The following PPP2R3A variants were observed in gnomAD, a reference collection of about 807,000 sequenced individuals.
PPP2R3A encodes the protein protein phosphatase 2 regulatory subunit B''alpha.
Under a neutral mutation model 106.9 loss-of-function variants are expected in PPP2R3A, and 80 were observed. The ratio of observed to expected loss-of-function variants is 0.75; its 90% confidence interval spans 0.62 to 0.90. The LOEUF is 0.90. Ranked by LOEUF, PPP2R3A falls within the 40% of genes least tolerant of loss-of-function variation. The pLI is 0.00. For synonymous variants in PPP2R3A, 483 were observed against 468.3 expected (o/e 1.03, Z -0.41); for missense variants, 1,386 against 1,350.4 (o/e 1.03, Z -0.41).
chr3:136,065,708 G>T (rs530608935), intron 5 of PPP2R3A, among the ~76,000 whole-genome samples: 1 of 152,114 alleles, frequency 6.6e-6, no homozygotes, highest in Non-Finnish European at 1.5e-5. Flanking sequence ...GGAGGATCTC[G>T]CTCTGTTTCC....
At chr3:136,120,424 C>A (rs1370187450) in intron 13 of PPP2R3A, among the ~76,000 whole-genome samples, 2 of 152,062 alleles carry the variant, frequency 1.3e-5, no homozygotes, top group Non-Finnish European at 2.9e-5. Flanking sequence ...CTCATCTCTA[C>A]TAAAAACACA....
At position 136,118,592 on chromosome 3, in the gene PPP2R3A, CAG is replaced by C. The variant is rs554279997; in HGVS notation, c.3329+12274_3329+12275del. On this transcript the variant is annotated intron_variant, in intron 13 of 13. Coordinates refer to ENST00000264977, the MANE Select transcript of PPP2R3A (RefSeq NM_002718.5). ...TTCCTATACACCAATAACAGACAAA[CAG>C]AGAACCAAATCATGAGTGAACTCCC... Among the ~76,000 whole-genome samples the C allele has an allele frequency of 3.1e-3, 465 of 152,172 alleles. 6 individuals are homozygous for C. Among genetic ancestry groups the C allele is most frequent in the African/African-American group, 0.011 (448 of 41,512 alleles).
intron 5 of PPP2R3A, among the ~76,000 whole-genome samples, chr3:136,059,199 C>A (rs1935988025): frequency 6.6e-6 from 1 of 151,952 alleles, no homozygotes; most frequent in East Asian, 1.9e-4. Context: ...ACTAAACAGA[C>A]AGCCTACAGA....
rs553245360 is a variant in PPP2R3A at position 136,081,057 on chromosome 3, G to A, written c.2632-1208G>A. On this transcript the variant is annotated intron_variant, in intron 7 of 13. Coordinates refer to ENST00000264977, the MANE Select transcript of PPP2R3A (RefSeq NM_002718.5). Reference sequence around the variant, plus strand: ...CGCCCAGGTTGGAGCACAGTGGCGCGATCTCGGCTCACTGCAACCTCTGCC... The same window carrying A: ...CGCCCAGGTTGGAGCACAGTGGCGCAATCTCGGCTCACTGCAACCTCTGCC... 5.9e-5 allele frequency among the ~76,000 whole-genome samples: 9 copies of A among 151,770 alleles called. No homozygotes were observed. In the South Asian group the frequency reaches 8.3e-4, roughly 14 times the overall value.
At chr3:135,987,232 C>A (rs931843219) in intron 1 of PPP2R3A, among the ~76,000 whole-genome samples, 5 of 152,070 alleles carry the variant, frequency 3.3e-5, no homozygotes, top group African/African-American at 1.2e-4. Flanking sequence ...GTAGAAGACA[C>A]AAGACTTCTG....
At chr3:136,075,590 A>G (rs79037025) in intron 6 of PPP2R3A, among the ~76,000 whole-genome samples, 8,065 of 152,326 alleles carry the variant, frequency 0.053, 249 homozygotes, top group Non-Finnish European at 0.073. Flanking sequence ...AATGCCTAAC[A>G]GTCAAACTGT....
At chr3:136,102,819 T>C (rs1437932067) in intron 11 of PPP2R3A, among the ~76,000 whole-genome samples, 1 of 152,168 alleles carries the variant, frequency 6.6e-6, no homozygotes, top group African/African-American at 2.4e-5. Context: ...AGCGAGACTG[T>C]ATCTCTTTTT....
chr3:136,140,074 C>G (rs1039142058), intron 13 of PPP2R3A, among the ~76,000 whole-genome samples: 7 of 151,362 alleles, frequency 4.6e-5, no homozygotes, highest in Non-Finnish European at 8.8e-5. Context: ...TGTTTGTGAA[C>G]CCTGTGAGTT....
At chr3:136,040,015 C>G (rs1935210386) in intron 3 of PPP2R3A, among the ~76,000 whole-genome samples, 1 of 152,020 alleles carries the variant, frequency 6.6e-6, no homozygotes, top group Admixed American at 6.6e-5. Flanking sequence ...CATCTTTTAC[C>G]TGAATTATAA....
chr3:136,104,971 T>C (rs1937478765), intron 12 of PPP2R3A, among the ~76,000 whole-genome samples: 1 of 152,242 alleles, frequency 6.6e-6, no homozygotes, highest in South Asian at 2.1e-4. Context: ...GGTATAATTA[T>C]TGATATTTGT....
At chr3:136,025,459 T>C (rs1934614211) in intron 2 of PPP2R3A, among the ~76,000 whole-genome samples, 1 of 152,116 alleles carries the variant, frequency 6.6e-6, no homozygotes, top group African/African-American at 2.4e-5. Context: ...CAGACTCCAT[T>C]CTGTGTATTA....
At chr3:136,046,893 G>T (rs948967779) in intron 4 of PPP2R3A, among the ~76,000 whole-genome samples, 1 of 152,206 alleles carries the variant, frequency 6.6e-6, no homozygotes, top group East Asian at 1.9e-4. Context: ...GCCATTTTAA[G>T]AAAGAACCAA....
At chr3:136,072,625 C>T (rs939801759) in intron 6 of PPP2R3A, among the ~76,000 whole-genome samples, 2 of 152,176 alleles carry the variant, frequency 1.3e-5, no homozygotes, top group Non-Finnish European at 2.9e-5. Context: ...GCTCTGGCTG[C>T]AGTCCCAAAG....
chr3:136,111,582 C>T (rs1292065832), intron 13 of PPP2R3A, among the ~76,000 whole-genome samples: 1 of 151,928 alleles, frequency 6.6e-6, no homozygotes, highest in Non-Finnish European at 1.5e-5. Flanking sequence ...ATACAACCTC[C>T]TAAGATTGAA....
rs554430732 is a variant in PPP2R3A at position 136,009,722 on chromosome 3, C to T, written c.1995+6229C>T. Among the ~76,000 whole-genome samples the T allele has an allele frequency of 7.2e-5, 11 of 152,220 alleles. No homozygotes were observed. In the South Asian group the frequency reaches 1.2e-3, roughly 17 times the overall value. On this transcript the variant is annotated intron_variant, in intron 2 of 13. Transcript: ENST00000264977. ...CATTTTTTGGTTTTAACAAGCCCTCCGGGTGATTCTGATGCATGATTATGC... is the reference window on the plus strand; with the variant it reads ...CATTTTTTGGTTTTAACAAGCCCTCTGGGTGATTCTGATGCATGATTATGC...
chr3:136,020,142 C>T (rs1934415502), intron 2 of PPP2R3A, among the ~76,000 whole-genome samples: 1 of 151,926 alleles, frequency 6.6e-6, no homozygotes, highest in Non-Finnish European at 1.5e-5. Flanking sequence ...AAACTCTTGT[C>T]CTCAAGAGTT....
At chr3:136,058,513 A>G (rs543030109) in intron 5 of PPP2R3A, among the ~76,000 whole-genome samples, 1 of 152,358 alleles carries the variant, frequency 6.6e-6, no homozygotes, top group Non-Finnish European at 1.5e-5. Context: ...TAAATCAGAG[A>G]TGACACAGAC....
At chr3:136,110,092 C>T (rs1242003188) in intron 13 of PPP2R3A, among the ~76,000 whole-genome samples, 3 of 152,154 alleles carry the variant, frequency 2.0e-5, no homozygotes, top group African/African-American at 7.2e-5. Flanking sequence ...CACATCCCAT[C>T]TCATTCTGTC....
chr3:136,035,428 G>A (rs768725944), intron 3 of PPP2R3A, among the ~76,000 whole-genome samples: 15 of 152,134 alleles, frequency 9.9e-5, no homozygotes, highest in Non-Finnish European at 1.8e-4. Context: ...GCTTGGTAGT[G>A]GCGAATTCTC....
Sources: gnomAD v4.1 joint callset for allele counts (sites outside exome capture counted in the v4.1 genomes callset) on GRCh38, gnomAD v4.1.1 for gene constraint, MANE v1.5 for transcripts, NCBI Gene and HGNC (gene_info 2026-07-23, HGNC 2026-07-21) for gene names.